Variants in UMODL1 observed in about 807,000 individuals in gnomAD.
UMODL1 encodes uromodulin like 1, also known as uromodulin-like 1.
UMODL1 carries 128 observed loss-of-function variants against 136.3 expected under a neutral mutation model. The observed-to-expected ratio is 0.94, with a 90% CI of 0.81 to 1.09. The LOEUF is 1.09. UMODL1 is among the 50% of genes least tolerant of loss of function. UMODL1 has a pLI of 0.00. For synonymous variants in UMODL1, 721 were observed against 720.0 expected (o/e 1.00, Z -0.02); for missense variants, 1,766 against 1,725.6 (o/e 1.02, Z -0.41).
chr21:42,095,632 T>C (rs574594915), intron 6 of UMODL1, among the ~76,000 whole-genome samples: 5 of 152,218 alleles, frequency 3.3e-5, no homozygotes, highest in Non-Finnish European at 7.3e-5. Flanking sequence ...CAGTCGTAGG[T>C]TGCAGGGATT....
At chr21:42,102,983 A>C (rs938960837) in intron 8 of UMODL1, 5 of 154,496 alleles carry the variant, frequency 3.2e-5, no homozygotes, top group African/African-American at 1.2e-4. Context: ...GGCATGAAGC[A>C]CACAAAGTGG....
intron 10 of UMODL1, among the ~76,000 whole-genome samples, chr21:42,110,110 C>T (rs1415031343): frequency 3.3e-5 from 5 of 152,174 alleles, no homozygotes; most frequent in Admixed American, 2.0e-4. Flanking sequence ...AGTGTGGAAG[C>T]CCAGAGAAGC....
chr21:42,111,170 C>T (rs1260369077), intron 11 of UMODL1, 49 bp downstream of exon 11: 2 of 1,580,366 alleles, frequency 1.3e-6, no homozygotes, highest in Non-Finnish European at 8.6e-7. Context: ...GAGCCCCAGC[C>T]AGGTGAACCC....
rs1215522557 is a variant in UMODL1, at chr21:42,085,327, T to A, written c.518T>A (p.Val173Asp). ...GACCCTGTGGGCTCCTGGTACAACGTCACCATACTGGTGAAAATGGACTTC... is the reference window on the plus strand; with the variant it reads ...GACCCTGTGGGCTCCTGGTACAACGACACCATACTGGTGAAAATGGACTTC... ...ERDPVGSWYN[V>D]TILVKMDFKE... The change falls in exon 4 of 23, where the codon GTC becomes GAC. Residue 173 changes from valine to aspartate, a missense_variant. Physicochemically the swap from Val to Asp is radical, Grantham distance 152 (BLOSUM62 -3). Coordinates refer to ENST00000408910, the MANE Select transcript of UMODL1 (RefSeq NM_001004416.3). The surrounding 1 kb of genome is among the most constrained non-coding windows in gnomAD (Gnocchi z 4.5). The A allele has an allele frequency of 1.9e-6, 3 of 1,613,928 alleles. No individual in the cohort carries two copies. The highest frequency in any genetic ancestry group is 2.7e-5 in the African/African-American group (2 of 74,904).
At chr21:42,101,269 C>T (rs1416169791) in intron 7 of UMODL1, among the ~76,000 whole-genome samples, 1 of 152,120 alleles carries the variant, frequency 6.6e-6, no homozygotes, top group African/African-American at 2.4e-5. Context: ...AGGAGGCCGC[C>T]AGTCCACGGG....
intron 7 of UMODL1, among the ~76,000 whole-genome samples, chr21:42,101,172 C>T (rs1308038143): frequency 6.6e-6 from 1 of 151,824 alleles, no homozygotes; most frequent in Non-Finnish European, 1.5e-5. Flanking sequence ...TTGTCATGAG[C>T]CTGTGACACC....
At chr21:42,069,229 A>ACACACACACACAC (rs2066208132), upstream of UMODL1, among the ~76,000 whole-genome samples, 1 of 136,304 alleles carries the variant, frequency 7.3e-6, no homozygotes, top group Non-Finnish European at 1.6e-5. Flanking sequence ...CACAGACAGA[A>ACACACACACACAC]ACACACACAC....
At chr21:42,134,346 C>T (rs2839471) in intron 21 of UMODL1, among the ~76,000 whole-genome samples, 59,097 of 152,126 alleles carry the variant, frequency 0.39, 11,779 homozygotes, top group East Asian at 0.51. Context: ...ATTCAGTTTT[C>T]GGAACTCCTC....
At chr21:42,079,847 C>T (rs915311639) in intron 2 of UMODL1, among the ~76,000 whole-genome samples, 14 of 152,330 alleles carry the variant, frequency 9.2e-5, no homozygotes, top group South Asian at 4.1e-4. Context: ...TACCAAGCTG[C>T]ACTTTAGTAT....
chr21:42,134,764 A>G (rs1268277550), intron 21 of UMODL1, among the ~76,000 whole-genome samples: 5 of 147,736 alleles, frequency 3.4e-5, no homozygotes, highest in Admixed American at 2.0e-4. Context: ...ACAGGCGCGC[A>G]CTACCAAGTC....
chr21:42,082,767 C>T (rs1450842032), intron 2 of UMODL1, among the ~76,000 whole-genome samples: 3 of 152,204 alleles, frequency 2.0e-5, no homozygotes, highest in African/African-American at 7.2e-5. Flanking sequence ...GCATCGGGCA[C>T]ACGCTCTGCT....
At chr21:42,092,854 C>G (rs1601201412) in intron 6 of UMODL1, among the ~76,000 whole-genome samples, 4 of 91,214 alleles carry the variant, frequency 4.4e-5, no homozygotes, top group Admixed American at 4.0e-4. Context: ...TCTCCTTAAG[C>G]TCATTTTTTT....
rs220127 is a variant in UMODL1, at chr21:42,111,293, C to A, written c.1899+172C>A. Reference sequence around the variant, plus strand: ...CCCCAGCCAGGTGAACCCCAGCCAGCGGAGCACCAGCCACGCGAACTCCAG... The same window carrying A: ...CCCCAGCCAGGTGAACCCCAGCCAGAGGAGCACCAGCCACGCGAACTCCAG... On this transcript the variant is annotated intron_variant, in intron 11 of 22. Coordinates refer to ENST00000408910, the MANE Select transcript of UMODL1 (RefSeq NM_001004416.3). The A allele has an allele frequency of 7.0e-6, 11 of 1,577,712 alleles. No individual in the cohort carries two copies. The African/African-American group carries it at 1.1e-4, about 16-fold the overall frequency.
intron 21 of UMODL1, among the ~76,000 whole-genome samples, chr21:42,132,539 C>T (rs1329128081): frequency 1.3e-5 from 2 of 151,884 alleles, no homozygotes; most frequent in African/African-American, 4.8e-5. Flanking sequence ...TCCATCCATC[C>T]ATCTATTCAT....
At chr21:42,077,185 T>C (rs187995271) in intron 2 of UMODL1, among the ~76,000 whole-genome samples, 1 of 151,952 alleles carries the variant, frequency 6.6e-6, no homozygotes, top group East Asian at 1.9e-4. Flanking sequence ...AGCTTGGTGT[T>C]GGCCAGGGTC....
intron 12 of UMODL1, among the ~76,000 whole-genome samples, chr21:42,112,475 C>A (rs758806927): frequency 1.1e-4 from 16 of 151,750 alleles, no homozygotes; most frequent in Non-Finnish European, 1.8e-4. Flanking sequence ...CTGTATCTCC[C>A]CAGCTGCTCT....
intron 1 of UMODL1, among the ~76,000 whole-genome samples, chr21:42,075,180 G>T (rs1278686365): frequency 6.6e-6 from 1 of 151,966 alleles, no homozygotes. Context: ...TTGATTACAG[G>T]CATGAGCCAC....
chr21:42,133,245 A>T (rs767860346), intron 21 of UMODL1, among the ~76,000 whole-genome samples: 17 of 152,142 alleles, frequency 1.1e-4, no homozygotes, highest in Non-Finnish European at 2.1e-4. Flanking sequence ...GTTCCTCAGG[A>T]CCTCACCGCT....
At chr21:42,134,772 G>C (rs2067181655) in intron 21 of UMODL1, among the ~76,000 whole-genome samples, 1 of 135,938 alleles carries the variant, frequency 7.4e-6, no homozygotes, top group Admixed American at 7.9e-5. Flanking sequence ...GCACTACCAA[G>C]TCTGGCTATT....
Sources: allele counts gnomAD v4.1 joint callset (sites outside exome capture counted in the v4.1 genomes callset), GRCh38; gene constraint gnomAD v4.1.1; non-coding constraint Gnocchi (gnomAD v3.1); transcripts MANE v1.5; gene names NCBI Gene and HGNC (gene_info 2026-07-23, HGNC 2026-07-21).